Variants in EXOC2 observed in about 807,000 individuals in gnomAD.
The protein encoded by EXOC2 is SEC5-like 1.
Under a neutral mutation model 131.8 loss-of-function variants are expected in EXOC2, and 70 were observed. The observed-to-expected ratio is 0.53, with a 90% CI of 0.44 to 0.65. The LOEUF (loss-of-function observed/expected upper bound fraction) is 0.65, where lower values mean the gene tolerates loss of function less well. Among genes scored for constraint, EXOC2 ranks in the 30% least tolerant of loss-of-function variants. The pLI is 0.00. For synonymous variants in EXOC2, 411 were observed against 398.4 expected (o/e 1.03, Z -0.38); for missense variants, 923 against 1,108.6 (o/e 0.83, Z 2.38).
intron 25 of EXOC2, among the ~76,000 whole-genome samples, chr6:497,132 A>T (rs1034480733): frequency 6.6e-6 from 1 of 152,226 alleles, no homozygotes; most frequent in African/African-American, 2.4e-5. Flanking sequence ...AGGATTCTGC[A>T]TTCAGATAAT....
intron 1 of EXOC2, chr6:656,574 C>G (rs910384721): frequency 6.3e-7 from 1 of 1,591,410 alleles, no homozygotes; most frequent in South Asian, 1.1e-5. Context: ...GCTGCGAGCG[C>G]GGCCCAGGGA....
chr6:527,634 A>G (rs1765823224), intron 23 of EXOC2, among the ~76,000 whole-genome samples: 2 of 152,252 alleles, frequency 1.3e-5, no homozygotes, highest in Admixed American at 1.3e-4. Flanking sequence ...TGCATCATAC[A>G]TGGAAGCAAC....
chr6:564,700 T>A lies in EXOC2; in HGVS notation c.1512A>T (p.Lys504Asn). 6.3e-7 allele frequency: 1 copy of A among 1,586,930 alleles called. No individual in the cohort carries two copies. Among genetic ancestry groups the A allele is most frequent in the Non-Finnish European group, 8.6e-7 (1 of 1,166,148 alleles). The change falls in exon 15 of 28, where the codon AAA (lysine) becomes AAT (asparagine). Residue 504 changes from lysine (K) to asparagine (N), a missense_variant and splice_region_variant. Physicochemically the swap from Lys to Asn is moderately conservative, Grantham distance 94. Transcript: ENST00000230449. ...GGGAGTGCATTACTTCCTGAATCAT[T>A]TTCTAGAAAACCAGGAACAAGCATA... ...NVRQRQNDFK[K>N]MIQEVMHSLV...
At chr6:502,756 T>C (rs1764298658) in intron 23 of EXOC2, among the ~76,000 whole-genome samples, 1 of 152,168 alleles carries the variant, frequency 6.6e-6, no homozygotes, top group Non-Finnish European at 1.5e-5. Context: ...AGACGTAACC[T>C]TGGACAAGAA....
chr6:689,815 A>T (rs1219077407), intron 1 of EXOC2, among the ~76,000 whole-genome samples: 2 of 152,240 alleles, frequency 1.3e-5, no homozygotes. Flanking sequence ...TATTGTCCCT[A>T]ACACAACACA....
At chr6:604,797 G>A (rs1417133402) in intron 7 of EXOC2, among the ~76,000 whole-genome samples, 5 of 150,836 alleles carry the variant, frequency 3.3e-5, no homozygotes, top group South Asian at 4.2e-4. Flanking sequence ...CGCTGGCCCC[G>A]CGGGGACACA....
At chr6:626,598 CTT>C (rs909566041) in intron 4 of EXOC2, among the ~76,000 whole-genome samples, 1 of 147,094 alleles carries the variant, frequency 6.8e-6, no homozygotes. Flanking sequence ...TTCTTCAAAC[CTT>C]TTTTTTTTTG....
chr6:529,525 A>C (rs1269094454), intron 23 of EXOC2, among the ~76,000 whole-genome samples: 1 of 152,214 alleles, frequency 6.6e-6, no homozygotes, highest in African/African-American at 2.4e-5. Context: ...GGCCCATTCT[A>C]AATTTTTATA....
chr6:642,908 T>C (rs1762418728), intron 1 of EXOC2, among the ~76,000 whole-genome samples: 1 of 150,856 alleles, frequency 6.6e-6, no homozygotes, highest in African/African-American at 2.5e-5. Flanking sequence ...ATTAAAGTTG[T>C]AAAAGGCATT....
chr6:588,374 A>G (rs377199336), intron 11 of EXOC2, among the ~76,000 whole-genome samples: 15 of 152,354 alleles, frequency 9.8e-5, no homozygotes, highest in East Asian at 7.7e-4. Flanking sequence ...TTTGAGATGG[A>G]GTGAGTCTCA....
At chr6:615,578 G>T (rs1760952989) in intron 6 of EXOC2, among the ~76,000 whole-genome samples, 2 of 152,032 alleles carry the variant, frequency 1.3e-5, no homozygotes, top group Non-Finnish European at 2.9e-5. Context: ...AAATTAGCTG[G>T]GCGTGGTGGT....
At chr6:641,173 T>A (rs1177098231) in intron 1 of EXOC2, among the ~76,000 whole-genome samples, 3 of 151,862 alleles carry the variant, frequency 2.0e-5, no homozygotes, top group African/African-American at 7.3e-5. Flanking sequence ...TCTCACATAA[T>A]GGGAGGCTGA....
chr6:572,730 C>A lies in EXOC2; in HGVS notation c.1319-86G>T, dbSNP rs550902976. Reference sequence around the variant, plus strand: ...GCATATTGGCGCACCCCCCTCCACTCCCGCAAAACTCCAACATGCACTAGG... The same window carrying A: ...GCATATTGGCGCACCCCCCTCCACTACCGCAAAACTCCAACATGCACTAGG... On this transcript the variant is annotated intron_variant, in intron 12 of 27. Coordinates refer to ENST00000230449, the MANE Select transcript of EXOC2 (RefSeq NM_018303.6). 6.7e-6 allele frequency: 10 copies of A among 1,490,062 alleles called. No individual in the cohort carries two copies. In the Admixed American group the frequency reaches 1.0e-4, roughly 15 times the overall value. The allele number at this position is 1,490,062 out of a possible 1,614,324, so 92.3% of individuals were successfully genotyped here. A position where few individuals can be genotyped will look rare whatever the true frequency, so the allele number is the denominator to read the frequency against.
At chr6:689,781 G>T (rs1764831572) in intron 1 of EXOC2, among the ~76,000 whole-genome samples, 1 of 152,126 alleles carries the variant, frequency 6.6e-6, no homozygotes, top group South Asian at 2.1e-4. Context: ...GTCTTTTACT[G>T]GTGTATGTAA....
intron 24 of EXOC2, among the ~76,000 whole-genome samples, 169 bp from the exon 25 acceptor site, chr6:497,658 T>A (rs757961592): frequency 2.0e-3 from 311 of 152,350 alleles, no homozygotes; most frequent in Non-Finnish European, 3.3e-3. Flanking sequence ...ATATTTAAAT[T>A]CTATTGACTG....
In EXOC2 at chr6:499,719, A is replaced by T; in HGVS notation, c.2381-19T>A. On this transcript the variant is annotated intron_variant, in intron 23 of 27. Transcript: ENST00000230449. ...CTGACACCTGAAATTGAAATAAAGG[A>T]GAGAAAGAAGGCATTAATAATAACA... 1 of 1,606,538 alleles carries T rather than the reference A, an allele frequency of 6.2e-7. No homozygotes were observed. Among genetic ancestry groups the T allele is most frequent in the Middle Eastern group, 1.7e-4 (1 of 6,042 alleles).
chr6:583,513 C>G (rs1759030453), intron 11 of EXOC2, among the ~76,000 whole-genome samples: 1 of 152,126 alleles, frequency 6.6e-6, no homozygotes, highest in South Asian at 2.1e-4. Flanking sequence ...AGACCTTAAT[C>G]CAACTTTTTC....
intron 2 of EXOC2, among the ~76,000 whole-genome samples, chr6:634,850 A>G (rs1762025724): frequency 6.6e-6 from 1 of 152,100 alleles, no homozygotes; most frequent in Admixed American, 6.5e-5. Context: ...GTTATGAAAA[A>G]CTTAAATAAC....
chr6:555,498 T>C (rs140841872), intron 19 of EXOC2, among the ~76,000 whole-genome samples: 1 of 152,196 alleles, frequency 6.6e-6, no homozygotes, highest in African/African-American at 2.4e-5. Flanking sequence ...ACATAAGTAA[T>C]AGACAATTAG....
Sources: gnomAD v4.1 joint callset for allele counts (sites outside exome capture counted in the v4.1 genomes callset) on GRCh38, gnomAD v4.1.1 for gene constraint, MANE v1.5 for transcripts, NCBI Gene and HGNC (gene_info 2026-07-23, HGNC 2026-07-21) for gene names.